Variants in ONECUT1 observed in about 807,000 individuals in gnomAD.
ONECUT1 encodes one cut homeobox 1.
ONECUT1 carries 12 observed loss-of-function variants against 25.6 expected under a neutral mutation model. That is an observed-to-expected ratio of 0.47 (90% CI 0.30 to 0.76). The LOEUF is 0.76. Among genes scored for constraint, ONECUT1 ranks in the 30% least tolerant of loss-of-function variants. The probability of loss-of-function intolerance (pLI) is 0.07; values close to 1 mark genes in which losing one functional copy is unlikely to be tolerated. For missense variants in ONECUT1, 620 were observed against 651.2 expected (o/e 0.95, Z 0.52); for synonymous variants, 285 against 270.2 (o/e 1.05, Z -0.54).
At chr15:52,783,157 C>T (rs1489709568) in intron 1 of ONECUT1, among the ~76,000 whole-genome samples, 1 of 152,156 alleles carries the variant, frequency 6.6e-6, no homozygotes, top group Non-Finnish European at 1.5e-5. Context: ...TTCCCCAGCG[C>T]GGATCAAAGG....
At chr15:52,757,888 G>A in intron 1 of ONECUT1, 41 bp from the exon 2 acceptor site, 1 of 1,576,694 alleles carries the variant, frequency 6.3e-7, no homozygotes, top group Non-Finnish European at 8.6e-7. Flanking sequence ...AATGGTCTAG[G>A]GGAGAATCAT....
At position 52,757,817 on chromosome 15, in the gene ONECUT1, T is replaced by G; in HGVS notation, c.1136A>C (p.Lys379Thr). The change falls in exon 2 of 2, where the codon AAG (lysine) becomes ACG (threonine). Residue 379 changes from lysine to threonine, a missense_variant. Lys to Thr is a moderately conservative substitution (Grantham distance 78, BLOSUM62 -1). Around this residue, in one of 4 missense-constraint regions of ONECUT1, gnomAD observed 146 missense variants for 201.8 expected, o/e 0.72. Coordinates refer to ENST00000305901, the MANE Select transcript of ONECUT1 (RefSeq NM_004498.4). ...CTTTTTGGGTGTGTTGCCTCTATCC[T>G]TCCCATGTTCTTGTTCTTTCCTTTT... ...ACKRKEQEHG[K>T]DRGNTPKKPR... The G allele has an allele frequency of 1.2e-6, 2 of 1,613,940 alleles. No individual in the cohort carries two copies. Among genetic ancestry groups the G allele is most frequent in the Non-Finnish European group, 1.7e-6 (2 of 1,179,910 alleles).
intron 1 of ONECUT1, among the ~76,000 whole-genome samples, chr15:52,761,105 A>T (rs2083703454): frequency 6.6e-6 from 1 of 152,058 alleles, no homozygotes; most frequent in South Asian, 2.1e-4. Context: ...AGGAGAGTGG[A>T]AATGTGTTGG....
At chr15:52,780,532 T>C in intron 1 of ONECUT1, 1 of 1,482,210 alleles carries the variant, frequency 6.7e-7, no homozygotes, top group Non-Finnish European at 9.1e-7. Flanking sequence ...ATTTAATCAC[T>C]TTAACTGCAT....
intron 1 of ONECUT1, among the ~76,000 whole-genome samples, chr15:52,777,484 A>G (rs1162061129): frequency 6.6e-6 from 1 of 152,086 alleles, no homozygotes; most frequent in Non-Finnish European, 1.5e-5. Context: ...GTTTTGTGTC[A>G]CTCAGCTGTG....
intron 1 of ONECUT1, among the ~76,000 whole-genome samples, chr15:52,764,458 G>T (rs570969094): frequency 1.3e-5 from 2 of 152,344 alleles, no homozygotes; most frequent in African/African-American, 4.8e-5. Context: ...GGGACACTAA[G>T]CTCAAAGAAG....
intron 1 of ONECUT1, among the ~76,000 whole-genome samples, chr15:52,778,062 A>G (rs2083815876): frequency 6.6e-6 from 1 of 152,188 alleles, no homozygotes; most frequent in Non-Finnish European, 1.5e-5. Flanking sequence ...GACAAAAACA[A>G]TGTTTCTACC....
intron 1 of ONECUT1, among the ~76,000 whole-genome samples, chr15:52,765,771 C>G (rs2141449341): frequency 6.6e-6 from 1 of 152,314 alleles, no homozygotes; most frequent in East Asian, 1.9e-4. Flanking sequence ...CTTGAGTGAT[C>G]TTACTGTGCA....
At chr15:52,759,623 A>G (rs1952578141) in intron 1 of ONECUT1, among the ~76,000 whole-genome samples, 2 of 152,194 alleles carry the variant, frequency 1.3e-5, no homozygotes, top group South Asian at 4.1e-4. Context: ...TTTTTGAGAC[A>G]GGATCTCACC....
rs57187579 is a variant in ONECUT1, at chr15:52,777,737, C to CACACAAAAA, written c.1105+11042_1105+11043insTTTTTGTGT. Among the ~76,000 whole-genome samples the CACACAAAAA allele has an allele frequency of 4.0e-3, 414 of 103,402 alleles. 13 individuals carry two copies. The highest frequency in any genetic ancestry group is 0.017 in the African/African-American group (382 of 22,546). The allele number at this position is 103,402 out of a possible 152,430, so 67.8% of individuals were successfully genotyped here. The stretch of plus-strand genomic sequence containing the variant: ...ACACACACACACACACACACACACA[C>CACACAAAAA]AAAAAAACATGTAAAGTTATTTGTT... On this transcript the variant is annotated intron_variant, in intron 1 of 1. Coordinates refer to ENST00000305901, the MANE Select transcript of ONECUT1 (RefSeq NM_004498.4).
rs189272489 is a variant in ONECUT1 at position 52,785,514 on chromosome 15, G to C, written c.1105+3266C>G. ...CCACCCCCGCCCGAACCTCGGGCCT[G>C]CGCGCCGCCTTCCCCTGGGTCCGCG... On this transcript the variant is annotated intron_variant, in intron 1 of 1. Coordinates refer to ENST00000305901, the MANE Select transcript of ONECUT1 (RefSeq NM_004498.4). Among the ~76,000 whole-genome samples, 1,077 of 152,328 alleles carry C rather than the reference G, an allele frequency of 7.1e-3. 12 individuals are homozygous for C. The highest frequency in any genetic ancestry group is 0.025 in the African/African-American group (1,025 of 41,584).
At chr15:52,785,564 T>G (rs2083869179) in intron 1 of ONECUT1, among the ~76,000 whole-genome samples, 1 of 152,200 alleles carries the variant, frequency 6.6e-6, no homozygotes, top group Admixed American at 6.5e-5. Flanking sequence ...GTTGGGTGTG[T>G]GTCGCTGTCT....
In ONECUT1 at chr15:52,762,913, C is replaced by T. The variant is rs367910759; in HGVS notation, c.1106-5066G>A. Among the ~76,000 whole-genome samples, 33 of 151,800 alleles carry T rather than the reference C, an allele frequency of 2.2e-4. No homozygotes were observed. In the East Asian group the frequency reaches 5.0e-3, roughly 23 times the overall value. ...GAATTGATTTCAGAGTAGAGATTAC[C>T]CATTGTAAGGTAGGAAACCCCCAAT... On this transcript the variant is annotated intron_variant, in intron 1 of 1. Transcript: ENST00000305901.
At chr15:52,771,418 A>AT (rs936398686) in intron 1 of ONECUT1, among the ~76,000 whole-genome samples, 2 of 145,740 alleles carry the variant, frequency 1.4e-5, no homozygotes, top group African/African-American at 5.2e-5. Flanking sequence ...GAATCATCTC[A>AT]TTTTTGCATA....
chr15:52,780,934 C>T (rs1314890269), intron 1 of ONECUT1: 3 of 1,229,704 alleles, frequency 2.4e-6, no homozygotes, highest in Non-Finnish European at 3.1e-6. Flanking sequence ...TGACTGGAAA[C>T]ATGCAGTGTT....
At chr15:52,780,837 A>C in intron 1 of ONECUT1, 1 of 1,330,754 alleles carries the variant, frequency 7.5e-7, no homozygotes, top group Non-Finnish European at 9.6e-7. Flanking sequence ...TCATCACCAG[A>C]TGTGAAAACG....
intron 1 of ONECUT1, among the ~76,000 whole-genome samples, chr15:52,759,911 T>A (rs1370480679): frequency 7.2e-5 from 11 of 152,114 alleles, no homozygotes; most frequent in Non-Finnish European, 2.9e-5. Flanking sequence ...AATACTAAAA[T>A]TTTTAAAGGG....
At chr15:52,781,353 A>G (rs926354408) in intron 1 of ONECUT1, among the ~76,000 whole-genome samples, 1 of 152,272 alleles carries the variant, frequency 6.6e-6, no homozygotes, top group African/African-American at 2.4e-5. Flanking sequence ...TCTCTTTTAC[A>G]AGTCTTGAGT....
rs79894043 is a variant in ONECUT1 at position 52,774,150 on chromosome 15, C to T, written c.1105+14630G>A. Among the ~76,000 whole-genome samples, 817 of 151,906 alleles carry T rather than the reference C, an allele frequency of 5.4e-3. 8 individuals are homozygous for T. Among genetic ancestry groups the T allele is most frequent in the African/African-American group, 0.019 (789 of 41,400 alleles). On this transcript the variant is annotated intron_variant, in intron 1 of 1. Coordinates refer to ENST00000305901, the MANE Select transcript of ONECUT1 (RefSeq NM_004498.4). ...ACACACACACACACACACACACACA[C>T]ACACACACACACACAGAGGGTTATC...
Sources: gnomAD v4.1 joint callset for allele counts (sites outside exome capture counted in the v4.1 genomes callset) on GRCh38, gnomAD v4.1.1 for gene constraint, gnomAD v4.1.1 regional missense constraint, MANE v1.5 for transcripts, NCBI Gene and HGNC (gene_info 2026-07-23, HGNC 2026-07-21) for gene names.